Variants in PLCH1 observed in about 807,000 individuals in gnomAD.
PLCH1 encodes the protein 1-phosphatidylinositol 4,5-bisphosphate phosphodiesterase eta-1.
PLCH1 carries 60 observed loss-of-function variants against 126.7 expected under a neutral mutation model. The observed-to-expected ratio is 0.47, with a 90% CI of 0.38 to 0.59. The LOEUF is 0.59. Among genes scored for constraint, PLCH1 ranks in the 20% least tolerant of loss-of-function variants. PLCH1 has a pLI of 0.00. For synonymous variants in PLCH1, 719 were observed against 734.9 expected (o/e 0.98, Z 0.35); for missense variants, 1,723 against 2,040.0 (o/e 0.84, Z 2.99).
At chr3:155,727,673 C>A (rs1748445834) in intron 1 of PLCH1, among the ~76,000 whole-genome samples, 1 of 152,190 alleles carries the variant, frequency 6.6e-6, no homozygotes, top group African/African-American at 2.4e-5. Flanking sequence ...CAGGTGTGAG[C>A]CACCGAGCCC....
chr3:155,475,326 T>A (rs1713492021), downstream of PLCH1, among the ~76,000 whole-genome samples: 1 of 151,822 alleles, frequency 6.6e-6, no homozygotes, highest in Non-Finnish European at 1.5e-5. Context: ...AAAGCAGCAC[T>A]CAGAGGGAAG....
At chr3:155,656,522 T>C (rs974078429) in intron 2 of PLCH1, among the ~76,000 whole-genome samples, 1 of 152,186 alleles carries the variant, frequency 6.6e-6, no homozygotes, top group African/African-American at 2.4e-5. Flanking sequence ...TAATTCACCA[T>C]TTCACCAGAT....
chr3:155,634,564 A>G (rs1167117798), intron 2 of PLCH1, among the ~76,000 whole-genome samples: 1 of 152,122 alleles, frequency 6.6e-6, no homozygotes, highest in Non-Finnish European at 1.5e-5. Flanking sequence ...TGAAGGATCC[A>G]CCCATAAGGG....
rs150036369 is a variant in PLCH1, at chr3:155,709,665, G to A, written c.-40-5401C>T. 5.1e-3 allele frequency among the ~76,000 whole-genome samples: 772 copies of A among 152,154 alleles called. 3 individuals are homozygous for A. Among genetic ancestry groups the A allele is most frequent in the African/African-American group, 0.015 (620 of 41,482 alleles). On this transcript the variant is annotated intron_variant, in intron 1 of 22. Transcript: ENST00000460012. ...AGGGTCTCACTCTGTCACTCAGGCC[G>A]AAGTACAGTGGCATAATCAAGGCTC... is the stretch of plus-strand genomic sequence containing the variant.
intron 11 of PLCH1, among the ~76,000 whole-genome samples, chr3:155,520,365 A>T (rs1720920330): frequency 6.6e-6 from 1 of 152,240 alleles, no homozygotes; most frequent in Non-Finnish European, 1.5e-5. Flanking sequence ...AGATATACAC[A>T]TGCAGACTGG....
intron 6 of PLCH1, among the ~76,000 whole-genome samples, chr3:155,574,531 T>C (rs1443863040): frequency 6.6e-6 from 1 of 152,210 alleles, no homozygotes; most frequent in Non-Finnish European, 1.5e-5. Context: ...CCTGTTCTCT[T>C]TGTATCTGTG....
chr3:155,675,909 A>G, intron 2 of PLCH1: 1 of 713,406 alleles, frequency 1.4e-6, no homozygotes. Flanking sequence ...TAAATATTTA[A>G]CTTAACTAAA....
intron 1 of PLCH1, among the ~76,000 whole-genome samples, chr3:155,727,820 A>G (rs1748456559): frequency 6.7e-6 from 1 of 149,396 alleles, no homozygotes; most frequent in Non-Finnish European, 1.5e-5. Context: ...GAAATCAGGC[A>G]CCTGCTCTAC....
intron 14 of PLCH1, among the ~76,000 whole-genome samples, chr3:155,499,467 G>A (rs972576642): frequency 2.0e-5 from 3 of 152,170 alleles, no homozygotes; most frequent in Non-Finnish European, 4.4e-5. Flanking sequence ...AAGACATTCC[G>A]TGATATGGAG....
At chr3:155,665,653 C>T (rs78848365) in intron 2 of PLCH1, among the ~76,000 whole-genome samples, 1 of 152,166 alleles carries the variant, frequency 6.6e-6, no homozygotes, top group Non-Finnish European at 1.5e-5. Flanking sequence ...GAGACCACCC[C>T]TAGAGTCTGA....
rs146775217 is a variant in PLCH1 at position 155,652,964 on chromosome 3, A to C, written c.79+51182T>G. Among the ~76,000 whole-genome samples, 205 of 152,300 alleles carry C rather than the reference A, an allele frequency of 1.3e-3. 1 individual carries two copies. Among genetic ancestry groups the C allele is most frequent in the African/African-American group, 4.7e-3 (197 of 41,568 alleles). On this transcript the variant is annotated intron_variant, in intron 2 of 22. Transcript: ENST00000460012. Reference sequence around the variant, plus strand: ...CCTCCCACTTTAATAGTCCCACCTAAGACCTCTAATTATACAATGCCACTA... The same window carrying C: ...CCTCCCACTTTAATAGTCCCACCTACGACCTCTAATTATACAATGCCACTA...
chr3:155,497,980 G>T (rs1243373552), intron 14 of PLCH1, among the ~76,000 whole-genome samples: 7 of 152,292 alleles, frequency 4.6e-5, no homozygotes, highest in African/African-American at 1.7e-4. Context: ...CTCCCAAAAT[G>T]CTAGGATTAC....
At chr3:155,528,336 T>A (rs114523976) in intron 10 of PLCH1, among the ~76,000 whole-genome samples, 7 of 152,278 alleles carry the variant, frequency 4.6e-5, no homozygotes, top group South Asian at 2.1e-4. Flanking sequence ...GTCCTATTGA[T>A]ATAGAAAGCT....
chr3:155,598,756 T>C (rs1016955036), intron 2 of PLCH1, among the ~76,000 whole-genome samples: 1 of 152,148 alleles, frequency 6.6e-6, no homozygotes, highest in Non-Finnish European at 1.5e-5. Context: ...ATTATCTACT[T>C]CCTGAATTGA....
chr3:155,555,978 C>A (rs1019225048), intron 8 of PLCH1, among the ~76,000 whole-genome samples: 9 of 152,126 alleles, frequency 5.9e-5, no homozygotes, highest in Admixed American at 2.0e-4. Context: ...ACCTTGGTTG[C>A]CAGAACTTCT....
downstream of PLCH1, among the ~76,000 whole-genome samples, chr3:155,476,050 C>T (rs1400834479): frequency 2.6e-5 from 4 of 151,888 alleles, no homozygotes. Flanking sequence ...AATATTGATG[C>T]AAAAATCCGT....
chr3:155,568,396 T>C (rs1728785848), intron 6 of PLCH1, 72 bp from the exon 7 acceptor site: 1 of 671,534 alleles, frequency 1.5e-6, no homozygotes, highest in Admixed American at 2.7e-5. Flanking sequence ...AGAAAGACAT[T>C]TACTGATTTT....
At chr3:155,604,182 T>C (rs1734085927) in intron 2 of PLCH1, among the ~76,000 whole-genome samples, 1 of 151,824 alleles carries the variant, frequency 6.6e-6, no homozygotes, top group South Asian at 2.1e-4. Context: ...ATAAACTAAT[T>C]ATTATAGTTT....
At chr3:155,558,841 G>A (rs1011269992) in intron 8 of PLCH1, among the ~76,000 whole-genome samples, 1 of 152,056 alleles carries the variant, frequency 6.6e-6, no homozygotes, top group African/African-American at 2.4e-5. Context: ...TACACACACT[G>A]GTGTCTCTGT....
Sources: allele counts gnomAD v4.1 joint callset (sites outside exome capture counted in the v4.1 genomes callset), GRCh38; gene constraint gnomAD v4.1.1; transcripts MANE v1.5; gene names NCBI Gene and HGNC (gene_info 2026-07-23, HGNC 2026-07-21).